Variants in PITPNB observed in about 807,000 individuals in gnomAD.
PITPNB encodes the protein phosphatidylinositol transfer protein beta.
In PITPNB, 16 loss-of-function variants were observed where a neutral mutation model predicts 45.9. The observed-to-expected ratio is 0.35, with a 90% CI of 0.24 to 0.53. The LOEUF is 0.53. PITPNB is among the 20% of genes least tolerant of loss of function. PITPNB has a pLI of 0.93. For missense variants in PITPNB, 188 were observed against 330.5 expected (o/e 0.57, Z 3.34); for synonymous variants, 112 against 108.9 (o/e 1.03, Z -0.18).
chr22:27,865,154 T>C (rs903098476), intron 8 of PITPNB, among the ~76,000 whole-genome samples: 1 of 152,180 alleles, frequency 6.6e-6, no homozygotes, highest in Non-Finnish European at 1.5e-5. Context: ...TTCAAAGTTA[T>C]CATTTAAAAA....
intron 7 of PITPNB, among the ~76,000 whole-genome samples, chr22:27,874,637 A>G (rs1460600296): frequency 6.6e-6 from 1 of 152,190 alleles, no homozygotes. Context: ...TTACACAAAC[A>G]CACACTCTCT....
Position 27,898,609 on chromosome 22 carries a change from T to A in PITPNB, c.198-717A>T, listed in dbSNP as rs537845229. Among the ~76,000 whole-genome samples, 22 of 152,252 alleles carry A rather than the reference T, an allele frequency of 1.4e-4. No homozygotes were observed. The East Asian group carries it at 4.0e-3, about 28-fold the overall frequency. Reference sequence around the variant, plus strand: ...CCCAGAATAAGGAGATATCTCTGAATAAAAGTCTGAATACATTTTATAGAA... The same window carrying A: ...CCCAGAATAAGGAGATATCTCTGAAAAAAAGTCTGAATACATTTTATAGAA... On this transcript the variant is annotated intron_variant, in intron 3 of 11. Coordinates refer to ENST00000335272, the MANE Select transcript of PITPNB (RefSeq NM_012399.5).
chr22:27,864,755 T>C (rs149936080), intron 8 of PITPNB, among the ~76,000 whole-genome samples: 69 of 152,160 alleles, frequency 4.5e-4, no homozygotes, highest in African/African-American at 1.5e-3. Flanking sequence ...CTGGCCAACA[T>C]GGTGAAACCC....
At chr22:27,911,386 T>C (rs1464208339) in intron 2 of PITPNB, among the ~76,000 whole-genome samples, 1 of 152,222 alleles carries the variant, frequency 6.6e-6, no homozygotes, top group East Asian at 1.9e-4. Flanking sequence ...ACACTACCCA[T>C]TTATCAAGAA....
intron 3 of PITPNB, among the ~76,000 whole-genome samples, chr22:27,906,833 A>C (rs1396956831): frequency 1.3e-5 from 2 of 152,210 alleles, no homozygotes; most frequent in African/African-American, 4.8e-5. Flanking sequence ...AGACATTTCA[A>C]ATGTCCCGTG....
At chr22:27,878,420 G>A (rs1007775244) in intron 7 of PITPNB, among the ~76,000 whole-genome samples, 4 of 152,078 alleles carry the variant, frequency 2.6e-5, no homozygotes, top group East Asian at 1.9e-4. Context: ...AATAACAGAG[G>A]TGTAAAGAGA....
At position 27,910,956 on chromosome 22, in the gene PITPNB, C is replaced by A. The variant is rs370737695; in HGVS notation, c.197+8G>T. The A allele has an allele frequency of 3.3e-4, 538 of 1,611,120 alleles. No homozygotes were observed. Among genetic ancestry groups the A allele is most frequent in the Non-Finnish European group, 4.1e-4 (488 of 1,177,364 alleles). ...AGTTACAAGGCGTCAAATGTGAACA[C>A]CGCTTACCTCTTTAGGTGATAAATT... On this transcript the variant is annotated splice_region_variant and intron_variant, in intron 3 of 11. Transcript: ENST00000335272.
At chr22:27,862,127 C>A (rs544193708) in intron 8 of PITPNB, among the ~76,000 whole-genome samples, 6 of 152,146 alleles carry the variant, frequency 3.9e-5, no homozygotes, top group Non-Finnish European at 7.3e-5. Flanking sequence ...GCCACCACTG[C>A]TTGTCAGCTT....
At chr22:27,867,282 A>G (rs963326068) in intron 8 of PITPNB, among the ~76,000 whole-genome samples, 2 of 152,140 alleles carry the variant, frequency 1.3e-5, no homozygotes, top group Non-Finnish European at 2.9e-5. Context: ...GGGGGAATAC[A>G]TAAACCACCA....
chr22:27,869,208 C>T (rs548661816), intron 8 of PITPNB, among the ~76,000 whole-genome samples: 2 of 152,246 alleles, frequency 1.3e-5, no homozygotes, highest in African/African-American at 2.4e-5. Context: ...TTTCCTATTA[C>T]TATGCACACA....
intron 3 of PITPNB, among the ~76,000 whole-genome samples, chr22:27,906,976 C>T (rs1001155786): frequency 7.9e-5 from 12 of 152,114 alleles, no homozygotes; most frequent in African/African-American, 2.7e-4. Context: ...GTCAGGGAAT[C>T]CAGAGACTTG....
In PITPNB at chr22:27,859,518, G is replaced by A. The variant is rs533841313; in HGVS notation, c.645+613C>T. 1.7e-3 allele frequency among the ~76,000 whole-genome samples: 261 copies of A among 152,212 alleles called. 5 individuals carry two copies. The highest frequency in any genetic ancestry group is 1.5e-4 in the Non-Finnish European group (10 of 68,012). On this transcript the variant is annotated intron_variant, in intron 9 of 11. Transcript: ENST00000335272. ...TCAACATTCCTAGGTAGTAACAACC[G>A]TGTGCATTTATAAAATTCCAATTCT... is the stretch of plus-strand genomic sequence containing the variant.
chr22:27,885,834 A>G (rs1935108460), intron 7 of PITPNB, among the ~76,000 whole-genome samples: 1 of 152,230 alleles, frequency 6.6e-6, no homozygotes, highest in South Asian at 2.1e-4. Context: ...CTAGACAGAA[A>G]AAACATTTGC....
At chr22:27,915,759 G>C (rs1199962822) in intron 1 of PITPNB, among the ~76,000 whole-genome samples, 2 of 152,092 alleles carry the variant, frequency 1.3e-5, no homozygotes, top group African/African-American at 2.4e-5. Flanking sequence ...ACACTAACTT[G>C]CTCACTGTCC....
chr22:27,894,491 G>A (rs1359318003), intron 7 of PITPNB, 64 bp downstream of exon 7: 2 of 878,554 alleles, frequency 2.3e-6, no homozygotes, highest in Non-Finnish European at 1.9e-6. Flanking sequence ...TCCCAAATGT[G>A]ATAGTAGAAA....
chr22:27,868,398 G>A (rs779375094), intron 8 of PITPNB, among the ~76,000 whole-genome samples: 27 of 152,190 alleles, frequency 1.8e-4, no homozygotes, highest in Non-Finnish European at 2.5e-4. Flanking sequence ...CATTATCTTA[G>A]GTCACTGACA....
At chr22:27,863,552 C>T (rs1035843583) in intron 8 of PITPNB, among the ~76,000 whole-genome samples, 3 of 152,178 alleles carry the variant, frequency 2.0e-5, no homozygotes, top group African/African-American at 7.2e-5. Context: ...AAGATACTTT[C>T]CAGATTGAAC....
In PITPNB at chr22:27,873,322, T is replaced by C. The variant is rs115571217; in HGVS notation, c.534+416A>G. On this transcript the variant is annotated intron_variant, in intron 8 of 11. Transcript: ENST00000335272. ...CCACAAAAATTGCTCACTCGTGTCC[T>C]GCTTTCCAAAAATATAACTATTAAA... Among the ~76,000 whole-genome samples, 1,041 of 152,320 alleles carry C rather than the reference T, an allele frequency of 6.8e-3. 7 individuals are homozygous for C. Among genetic ancestry groups the C allele is most frequent in the African/African-American group, 0.023 (945 of 41,574 alleles).
chr22:27,896,964 C>A, intron 5 of PITPNB, 166 bp downstream of exon 5: 1 of 671,452 alleles, frequency 1.5e-6, no homozygotes, highest in Non-Finnish European at 2.7e-6. Flanking sequence ...TGGAAAGGGC[C>A]CATGAACACT....
Sources: allele counts gnomAD v4.1 joint callset (sites outside exome capture counted in the v4.1 genomes callset), GRCh38; gene constraint gnomAD v4.1.1; transcripts MANE v1.5; gene names NCBI Gene and HGNC (gene_info 2026-07-23, HGNC 2026-07-21).